The following TRRAP variants were observed in gnomAD, a reference collection of about 807,000 sequenced individuals.
TRRAP encodes transformation/transcription domain-associated protein.
In TRRAP, 41 loss-of-function variants were observed where a neutral mutation model predicts 438.8. The observed-to-expected ratio is 0.09, with a 90% CI of 0.07 to 0.12. The LOEUF (loss-of-function observed/expected upper bound fraction) is 0.12, where lower values mean the gene tolerates loss of function less well. TRRAP is among the 10% of genes least tolerant of loss of function. The probability of loss-of-function intolerance (pLI) is 1.00; values close to 1 mark genes in which losing one functional copy is unlikely to be tolerated. For missense variants in TRRAP, 3,122 were observed against 5,055.1 expected, an observed-to-expected ratio of 0.62 and a Z score of 11.60; for synonymous variants, 1,994 against 1,962.9, an observed-to-expected ratio of 1.02 and a Z score of -0.42.
intron 45 of TRRAP, 55 bp downstream of exon 45, chr7:98,959,545 A>G: frequency 1.3e-6 from 2 of 1,581,076 alleles, no homozygotes; most frequent in South Asian, 2.3e-5. Flanking sequence ...ACTAGCAGAT[A>G]CTGTCACCTG....
intron 53 of TRRAP, among the ~76,000 whole-genome samples, chr7:98,972,787 T>A (rs1423942882): frequency 6.6e-6 from 1 of 152,222 alleles, no homozygotes. Flanking sequence ...TCGCAAGTGA[T>A]TTTTACGTTA....
At chr7:98,975,909 C>G in intron 53 of TRRAP, 1 of 470,914 alleles carries the variant, frequency 2.1e-6, no homozygotes, top group Non-Finnish European at 3.7e-6. Flanking sequence ...AGGACAAATG[C>G]AGGCGCCATT....
chr7:98,980,424 T>A (rs779318457), intron 58 of TRRAP, among the ~76,000 whole-genome samples: 5 of 152,154 alleles, frequency 3.3e-5, no homozygotes, highest in Non-Finnish European at 5.9e-5. Context: ...AAAAATTTTT[T>A]AAATATTTTT....
At chr7:99,009,339 G>A (rs570148696) in intron 70 of TRRAP, among the ~76,000 whole-genome samples, 1 of 152,298 alleles carries the variant, frequency 6.6e-6, no homozygotes, top group African/African-American at 2.4e-5. Flanking sequence ...GAGTCACCCA[G>A]GGACTTGTTC....
In TRRAP at chr7:98,922,300, T is replaced by C. The variant is rs1789834452; in HGVS notation, c.2823+347T>C. ...TTCGCAGCCACACGCAGTGCCTCGC[T>C]TTCTCCCATTCTCTATCCAAACGCA... On this transcript the variant is annotated intron_variant, in intron 21 of 72. Transcript: ENST00000456197. 3.3e-5 allele frequency among the ~76,000 whole-genome samples: 5 copies of C among 152,336 alleles called. 1 individual carries two copies. The South Asian group carries it at 1.0e-3, about 32-fold the overall frequency.
intron 3 of TRRAP, among the ~76,000 whole-genome samples, chr7:98,882,705 A>G (rs899829519): frequency 2.6e-5 from 4 of 152,020 alleles, no homozygotes; most frequent in Non-Finnish European, 5.9e-5. Flanking sequence ...TGTGTCACCC[A>G]GGCTAGAGTG....
At chr7:99,004,133 T>C (rs1794061643) in intron 67 of TRRAP, 57 bp from the exon 68 acceptor site, 3 of 1,491,916 alleles carry the variant, frequency 2.0e-6, no homozygotes, top group African/African-American at 1.4e-5. Flanking sequence ...TTTTTTGCAG[T>C]GTGTTAGAAC....
intron 26 of TRRAP, among the ~76,000 whole-genome samples, 154 bp downstream of exon 26, chr7:98,931,819 G>A (rs782058315): frequency 2.9e-4 from 44 of 152,126 alleles, no homozygotes; most frequent in Non-Finnish European, 4.4e-4. Flanking sequence ...CAAAATCTGG[G>A]ATGCTCAAAT....
intron 24 of TRRAP, 52 bp from the exon 25 acceptor site, chr7:98,930,578 CAAA>C: frequency 3.1e-6 from 5 of 1,597,992 alleles, no homozygotes; most frequent in Middle Eastern, 2.3e-4. Context: ...AACTCTGTCT[CAAA>C]AAAAACAAGA....
Position 98,970,611 on chromosome 7 carries a change from T to A in TRRAP, c.7692+320T>A, listed in dbSNP as rs79102062. Among the ~76,000 whole-genome samples, 6 of 148,328 alleles carry A rather than the reference T, an allele frequency of 4.0e-5. No individual in the cohort carries two copies. In the East Asian group the frequency reaches 1.2e-3, roughly 29 times the overall value. On this transcript the variant is annotated intron_variant, in intron 52 of 72. Coordinates refer to ENST00000456197, the MANE Select transcript of TRRAP (RefSeq NM_001375524.1). ...AGTTCAGCTAGATTTTTTTTTTTTTTAGTTAGAATTGAGAAGCATCTTGCA... is the reference window on the plus strand; with the variant it reads ...AGTTCAGCTAGATTTTTTTTTTTTTAAGTTAGAATTGAGAAGCATCTTGCA...
chr7:98,906,278 T>G, intron 13 of TRRAP, 23 bp downstream of exon 13: 1 of 1,593,362 alleles, frequency 6.3e-7, no homozygotes, highest in South Asian at 1.1e-5. Context: ...ACCAGTGATA[T>G]CTGGTTGGTT....
chr7:98,975,746 G>A (rs977360816), intron 53 of TRRAP, among the ~76,000 whole-genome samples: 3 of 152,224 alleles, frequency 2.0e-5, no homozygotes, highest in African/African-American at 4.8e-5. Context: ...AATAGTTTAT[G>A]TCATATACGT....
At position 98,880,262 on chromosome 7, in the gene TRRAP, G is replaced by GT. The variant is rs201053093; in HGVS notation, c.-61-811dup. Among the ~76,000 whole-genome samples the GT allele has an allele frequency of 7.4e-4, 98 of 132,106 alleles. 4 individuals are homozygous for GT. The East Asian group carries it at 0.013, about 18-fold the overall frequency. The allele number at this position is 132,106 out of a possible 152,430, so 86.7% of individuals were successfully genotyped here. On this transcript the variant is annotated intron_variant, in intron 1 of 72. Coordinates refer to ENST00000456197, the MANE Select transcript of TRRAP (RefSeq NM_001375524.1). The stretch of plus-strand genomic sequence containing the variant: ...CTGCCTGCGTTTTGTTGTTGTTGTT[G>GT]TTTTTTTTTTTTTTTTTCCGAGACT...
chr7:98,992,560 C>CGTGTGTGTGT (rs72517544), intron 65 of TRRAP, among the ~76,000 whole-genome samples: 3 of 149,126 alleles, frequency 2.0e-5, no homozygotes, highest in African/African-American at 7.4e-5. Flanking sequence ...TGCCAGCTGC[C>CGTGTGTGTGT]GTGTGTGTGT....
chr7:98,901,615 C>CT (rs1320026488), intron 11 of TRRAP, among the ~76,000 whole-genome samples: 12 of 152,208 alleles, frequency 7.9e-5, no homozygotes, highest in Admixed American at 7.9e-4. Context: ...GTGGCACAAT[C>CT]TCAACTCACT....
intron 47 of TRRAP, among the ~76,000 whole-genome samples, chr7:98,963,273 C>T (rs969560651): frequency 2.6e-5 from 4 of 152,202 alleles, no homozygotes; most frequent in African/African-American, 9.6e-5. Context: ...GTGTCCCTTG[C>T]TCTCTTAGCT....
chr7:98,904,061 C>T (rs1158468090), intron 12 of TRRAP, among the ~76,000 whole-genome samples: 1 of 152,106 alleles, frequency 6.6e-6, no homozygotes, highest in Non-Finnish European at 1.5e-5. Context: ...GTGCCTGCCT[C>T]AGCCTTCCAA....
intron 1 of TRRAP, among the ~76,000 whole-genome samples, chr7:98,878,924 C>A (rs868927080): frequency 1.3e-5 from 2 of 152,118 alleles, no homozygotes; most frequent in Non-Finnish European, 2.9e-5. Flanking sequence ...GCGCCCGGGA[C>A]GGCGACCAAA....
intron 65 of TRRAP, 50 bp downstream of exon 65, chr7:98,992,277 G>T (rs766697372): frequency 2.5e-6 from 4 of 1,596,254 alleles, no homozygotes; most frequent in Non-Finnish European, 3.4e-6. Flanking sequence ...GCTCATTCCA[G>T]GGGGTGCCCC....
Sources: gnomAD v4.1 joint callset for allele counts (sites outside exome capture counted in the v4.1 genomes callset) on GRCh38, gnomAD v4.1.1 for gene constraint, MANE v1.5 for transcripts, NCBI Gene and HGNC (gene_info 2026-07-23, HGNC 2026-07-21) for gene names.